The following XRCC5 variants were observed in gnomAD, a reference collection of about 807,000 sequenced individuals.
The protein encoded by XRCC5 is X-ray repair cross complementing 5, also known as DNA repair protein Ku80.
Under a neutral mutation model 95.7 loss-of-function variants are expected in XRCC5, and 12 were observed. The ratio of observed to expected loss-of-function variants is 0.13; its 90% CI spans 0.08 to 0.20. XRCC5 has a LOEUF of 0.20. XRCC5 is among the 10% of genes least tolerant of loss of function. The pLI, the probability that XRCC5 is intolerant of heterozygous loss-of-function variation, is 1.00. For synonymous variants in XRCC5, 281 were observed against 290.3 expected, an observed-to-expected ratio of 0.97 and a Z score of 0.33; for missense variants, 595 against 873.9, an observed-to-expected ratio of 0.68 and a Z score of 4.02.
rs550230767 is a variant in XRCC5, at chr2:216,188,845, G to A, written c.1835-1380G>A. Among the ~76,000 whole-genome samples, 7 of 152,252 alleles carry A rather than the reference G, an allele frequency of 4.6e-5. No individual in the cohort carries two copies. In the East Asian group the frequency reaches 1.2e-3, roughly 25 times the overall value. On this transcript the variant is annotated intron_variant, in intron 16 of 20. Transcript: ENST00000392132. ...TAATTGGATATTAATTCACTGCTGC[G>A]GGATACGTTGGTAAAGATTTTTGAA...
At chr2:216,119,235 A>G (rs1696757812) in intron 5 of XRCC5, 70 bp downstream of exon 5, 1 of 1,554,510 alleles carries the variant, frequency 6.4e-7, no homozygotes, top group Non-Finnish European at 8.8e-7. Flanking sequence ...GGCCCTCTGT[A>G]TAGAGTACTT....
intron 4 of XRCC5, 142 bp from the exon 5 acceptor site, chr2:216,118,901 T>C: frequency 9.1e-6 from 8 of 874,378 alleles, no homozygotes; most frequent in Non-Finnish European, 1.4e-5. Context: ...AATAAGAACT[T>C]AATTGGACTA....
At chr2:216,136,847 G>A (rs916383108) in intron 10 of XRCC5, among the ~76,000 whole-genome samples, 3 of 152,184 alleles carry the variant, frequency 2.0e-5, no homozygotes, top group African/African-American at 4.8e-5. Context: ...TTAGGGTAAA[G>A]ATAAAAATTT....
chr2:216,162,304 G>A (rs960415063), intron 16 of XRCC5, among the ~76,000 whole-genome samples: 2 of 152,106 alleles, frequency 1.3e-5, no homozygotes, highest in Non-Finnish European at 2.9e-5. Context: ...ACACCTTGGC[G>A]CTTATAGCTC....
intron 19 of XRCC5, among the ~76,000 whole-genome samples, chr2:216,201,395 A>C (rs976928899): frequency 5.9e-5 from 9 of 152,330 alleles, no homozygotes; most frequent in Non-Finnish European, 1.3e-4. Context: ...GGGGTCAGTA[A>C]GGGTCTGAGC....
intron 16 of XRCC5, among the ~76,000 whole-genome samples, chr2:216,166,962 C>T (rs1689065185): frequency 6.6e-6 from 1 of 152,090 alleles, no homozygotes; most frequent in Admixed American, 6.5e-5. Context: ...AGACGATTCT[C>T]TTTCAGGGAC....
chr2:216,117,466 A>G (rs1339677739), intron 3 of XRCC5: 1 of 434,134 alleles, frequency 2.3e-6, no homozygotes, highest in Non-Finnish European at 4.2e-6. Flanking sequence ...AATGGGTTCT[A>G]GATACTATTA....
At chr2:216,126,076 A>G in intron 7 of XRCC5, 45 bp downstream of exon 7, 1 of 1,474,176 alleles carries the variant, frequency 6.8e-7, no homozygotes, top group Non-Finnish European at 9.5e-7. Flanking sequence ...TACCAGGCAG[A>G]TAAATATGTG....
intron 13 of XRCC5, among the ~76,000 whole-genome samples, chr2:216,147,032 G>A (rs1284663344): frequency 6.6e-6 from 1 of 151,952 alleles, no homozygotes. Flanking sequence ...AGATAATGAT[G>A]GAGCCTATAA....
At chr2:216,141,097 T>C (rs1697162771) in intron 12 of XRCC5, 89 bp from the exon 13 acceptor site, 5 of 1,511,572 alleles carry the variant, frequency 3.3e-6, no homozygotes, top group Non-Finnish European at 3.6e-6. Context: ...AACCTGCCAA[T>C]ATTGCCGTGG....
chr2:216,112,214 T>C (rs1696601802), intron 1 of XRCC5, among the ~76,000 whole-genome samples: 6 of 152,242 alleles, frequency 3.9e-5, no homozygotes, highest in Admixed American at 3.9e-4. Flanking sequence ...GTGATTGCTA[T>C]GTAATGGCTT....
intron 14 of XRCC5, among the ~76,000 whole-genome samples, chr2:216,150,585 G>A (rs936104265): frequency 1.3e-5 from 2 of 152,108 alleles, no homozygotes; most frequent in African/African-American, 4.8e-5. Flanking sequence ...GAATACTGTA[G>A]GCATTTGTAA....
chr2:216,140,325 G>C (rs1697151803), intron 12 of XRCC5, among the ~76,000 whole-genome samples: 1 of 152,334 alleles, frequency 6.6e-6, no homozygotes, highest in Admixed American at 6.5e-5. Context: ...CCTTTTGCCT[G>C]GTGACTGTGA....
chr2:216,168,912 C>T lies in XRCC5; in HGVS notation c.1834+6864C>T, dbSNP rs146685716. Among the ~76,000 whole-genome samples, 234 of 152,350 alleles carry T rather than the reference C, an allele frequency of 1.5e-3. 1 individual carries two copies. The highest frequency in any genetic ancestry group is 2.8e-3 in the Non-Finnish European group (193 of 68,020). ...CACATAGGAATTCAAACGCATGTCT[C>T]TTTCAAATACTGGATTTTTTACTTA... is the stretch of plus-strand genomic sequence containing the variant. On this transcript the variant is annotated intron_variant, in intron 16 of 20. Coordinates refer to ENST00000392132, the MANE Select transcript of XRCC5 (RefSeq NM_021141.4).
At chr2:216,132,227 C>T in intron 9 of XRCC5, 98 bp from the exon 10 acceptor site, 1 of 1,169,810 alleles carries the variant, frequency 8.5e-7, no homozygotes, top group Non-Finnish European at 1.3e-6. Flanking sequence ...GAATGTTTTT[C>T]AGTAAGAGGA....
At chr2:216,159,729 C>T (rs1409027368) in intron 14 of XRCC5, among the ~76,000 whole-genome samples, 1 of 152,176 alleles carries the variant, frequency 6.6e-6, no homozygotes, top group Non-Finnish European at 1.5e-5. Flanking sequence ...GGATTTCTTA[C>T]TTAAATGTTA....
chr2:216,176,448 T>C (rs1418265187), intron 16 of XRCC5, among the ~76,000 whole-genome samples: 5 of 152,216 alleles, frequency 3.3e-5, no homozygotes, highest in African/African-American at 9.6e-5. Flanking sequence ...TCTGGTCAGT[T>C]TTAAAATTTC....
At chr2:216,130,236 CTTTTTT>C (rs5838568) in intron 8 of XRCC5, among the ~76,000 whole-genome samples, 3 of 125,690 alleles carry the variant, frequency 2.4e-5, no homozygotes, top group African/African-American at 5.8e-5. Flanking sequence ...CAGGGCTGGA[CTTTTTT>C]TTTTTTTTTT....
intron 17 of XRCC5, among the ~76,000 whole-genome samples, chr2:216,192,320 T>G (rs1275692046): frequency 2.0e-5 from 3 of 152,176 alleles, no homozygotes; most frequent in Non-Finnish European, 4.4e-5. Flanking sequence ...GAAGCTGGGT[T>G]ATGAGTGTGC....
Sources: gnomAD v4.1 joint callset for allele counts (sites outside exome capture counted in the v4.1 genomes callset) on GRCh38, gnomAD v4.1.1 for gene constraint, MANE v1.5 for transcripts, NCBI Gene and HGNC (gene_info 2026-07-23, HGNC 2026-07-21) for gene names.